Variants in GRM1 observed in about 807,000 individuals in gnomAD.
GRM1 encodes glutamate metabotropic receptor 1.
A neutral mutation model predicts 90.9 loss-of-function variants in GRM1; 33 were observed. That is an observed-to-expected ratio of 0.36 (90% confidence interval 0.28 to 0.49). GRM1 has a LOEUF of 0.49. Among genes scored for constraint, GRM1 ranks in the 20% least tolerant of loss-of-function variants. The probability of loss-of-function intolerance (pLI) is 0.99; values close to 1 mark genes in which losing one functional copy is unlikely to be tolerated. For synonymous variants in GRM1, 700 were observed against 613.2 expected (o/e 1.14, Z -2.09); for missense variants, 1,190 against 1,534.3 (o/e 0.78, Z 3.75).
chr6:146,200,133 C>T (rs1325640679), intron 2 of GRM1, among the ~76,000 whole-genome samples: 1 of 152,168 alleles, frequency 6.6e-6, no homozygotes, highest in Non-Finnish European at 1.5e-5. Flanking sequence ...GGGACTTGAA[C>T]TAAACATAGA....
chr6:146,170,461 T>C (rs1363039307), intron 2 of GRM1, among the ~76,000 whole-genome samples: 1 of 152,268 alleles, frequency 6.6e-6, no homozygotes, highest in East Asian at 1.9e-4. Flanking sequence ...TTTTTGTTTT[T>C]ATTGTTGTTC....
intron 7 of GRM1, among the ~76,000 whole-genome samples, chr6:146,420,303 G>A (rs1396576301): frequency 6.6e-6 from 1 of 152,232 alleles, no homozygotes; most frequent in East Asian, 1.9e-4. Flanking sequence ...GAAGCTATCT[G>A]CAGCAGAAGA....
In GRM1 at chr6:146,150,385, T is replaced by C. The variant is rs575757283; in HGVS notation, c.701-8963T>C. Among the ~76,000 whole-genome samples the C allele has an allele frequency of 1.1e-4, 16 of 152,306 alleles. No homozygotes were observed. The South Asian group carries it at 3.3e-3, about 32-fold the overall frequency. Reference sequence around the variant, plus strand: ...AATTTTATTCACAGAAATTCTTATTTTTGTTTTACCCTTTATTACTAATTT... The same window carrying C: ...AATTTTATTCACAGAAATTCTTATTCTTGTTTTACCCTTTATTACTAATTT... On this transcript the variant is annotated intron_variant, in intron 1 of 7. Transcript: ENST00000282753.
intron 5 of GRM1, among the ~76,000 whole-genome samples, chr6:146,383,357 T>C (rs1438159082): frequency 2.0e-5 from 3 of 152,148 alleles, no homozygotes; most frequent in African/African-American, 7.2e-5. Flanking sequence ...GCAGTACTAA[T>C]TTTACACAGG....
At chr6:146,412,145 T>TACA (rs1777592676) in intron 7 of GRM1, among the ~76,000 whole-genome samples, 1 of 152,236 alleles carries the variant, frequency 6.6e-6, no homozygotes, top group Non-Finnish European at 1.5e-5. Context: ...TTGATATATG[T>TACA]TGCAGCATTG....
chr6:146,362,233 A>C (rs1176083589), intron 5 of GRM1, among the ~76,000 whole-genome samples: 1 of 152,148 alleles, frequency 6.6e-6, no homozygotes, highest in Non-Finnish European at 1.5e-5. Context: ...AATTCTGGAG[A>C]TATTAGGTGA....
chr6:146,418,884 G>A (rs1042558085), intron 7 of GRM1, among the ~76,000 whole-genome samples: 1 of 151,946 alleles, frequency 6.6e-6, no homozygotes, highest in Non-Finnish European at 1.5e-5. Flanking sequence ...AGTAATGTTC[G>A]CATGAGAAAT....
At chr6:146,209,067 T>A (rs905055786) in intron 2 of GRM1, among the ~76,000 whole-genome samples, 3 of 152,068 alleles carry the variant, frequency 2.0e-5, no homozygotes, top group Non-Finnish European at 4.4e-5. Flanking sequence ...AACCTATAAA[T>A]TAGTTATTAT....
At chr6:146,156,385 G>A (rs560601286) in intron 1 of GRM1, among the ~76,000 whole-genome samples, 21 of 152,138 alleles carry the variant, frequency 1.4e-4, no homozygotes, top group Admixed American at 9.8e-4. Context: ...CAGCCTGGGC[G>A]ACCAAGAGTG....
At chr6:146,175,796 G>A (rs940418558) in intron 2 of GRM1, among the ~76,000 whole-genome samples, 1 of 151,992 alleles carries the variant, frequency 6.6e-6, no homozygotes, top group East Asian at 1.9e-4. Flanking sequence ...GATGAGAAAG[G>A]CCCACCATCT....
chr6:146,202,520 A>G (rs906442619), intron 2 of GRM1, among the ~76,000 whole-genome samples: 3 of 152,236 alleles, frequency 2.0e-5, no homozygotes, highest in Non-Finnish European at 4.4e-5. Context: ...TGAATTAAAT[A>G]TCATTTACAA....
rs142233320 is a variant in GRM1 at position 146,304,856 on chromosome 6, G to A, written c.1186+10G>A. 518 of 1,556,692 alleles carry A rather than the reference G, an allele frequency of 3.3e-4. 2 individuals are homozygous for A. In the African/African-American group the frequency reaches 6.3e-3, roughly 19 times the overall value. On this transcript the variant is annotated intron_variant, in intron 3 of 7. Coordinates refer to ENST00000282753, the MANE Select transcript of GRM1 (RefSeq NM_001278064.2). ...AAACGAATCTGCACAGGTAACTCAT[G>A]TTCACAAAATAACAACTCAGAGGTT... is the stretch of plus-strand genomic sequence containing the variant.
At position 146,123,008 on chromosome 6, in the gene GRM1, C is replaced by A. The variant is rs1776054643; in HGVS notation, c.701-36340C>A. Among the ~76,000 whole-genome samples, 3 of 151,900 alleles carry A rather than the reference C, an allele frequency of 2.0e-5. No homozygotes were observed. The South Asian group carries it at 6.3e-4, about 32-fold the overall frequency. ...TACAGGTGCACACCACCACATCCAG[C>A]TGATTTTTGTATTTTTAGTAGAGAT... On this transcript the variant is annotated intron_variant, in intron 1 of 7. Transcript: ENST00000282753.
intron 2 of GRM1, among the ~76,000 whole-genome samples, chr6:146,200,439 C>T (rs1411530722): frequency 1.3e-5 from 2 of 152,174 alleles, no homozygotes; most frequent in Non-Finnish European, 2.9e-5. Context: ...TCACACCAGG[C>T]GTATTCCCCC....
chr6:146,234,649 C>T (rs547729811), intron 2 of GRM1, among the ~76,000 whole-genome samples: 2 of 152,102 alleles, frequency 1.3e-5, no homozygotes, highest in Non-Finnish European at 2.9e-5. Context: ...TTTCTTCTGA[C>T]ATATTTTATA....
At chr6:146,382,547 A>T (rs960579528) in intron 5 of GRM1, among the ~76,000 whole-genome samples, 2 of 152,116 alleles carry the variant, frequency 1.3e-5, no homozygotes, top group African/African-American at 2.4e-5. Flanking sequence ...GGAGGGTTTT[A>T]TGTAGGAAAG....
At chr6:146,255,330 A>G (rs1341048333) in intron 2 of GRM1, among the ~76,000 whole-genome samples, 1 of 152,200 alleles carries the variant, frequency 6.6e-6, no homozygotes, top group Non-Finnish European at 1.5e-5. Context: ...TCACCAAAGC[A>G]TTATTAGACT....
intron 2 of GRM1, among the ~76,000 whole-genome samples, chr6:146,291,624 T>C (rs1187230453): frequency 6.6e-6 from 1 of 151,812 alleles, no homozygotes. Flanking sequence ...TACAAAAGAT[T>C]GCTAAAAAAA....
At chr6:146,110,192 C>T (rs1775502163) in intron 1 of GRM1, among the ~76,000 whole-genome samples, 1 of 152,124 alleles carries the variant, frequency 6.6e-6, no homozygotes, top group African/African-American at 2.4e-5. Flanking sequence ...TATGGTTTTG[C>T]TGTGTCTCCA....
Sources: allele counts gnomAD v4.1 joint callset (sites outside exome capture counted in the v4.1 genomes callset), GRCh38; gene constraint gnomAD v4.1.1; transcripts MANE v1.5; gene names NCBI Gene and HGNC (gene_info 2026-07-23, HGNC 2026-07-21).